TIAM2: variants seen among roughly 807,000 people sequenced by gnomAD.
TIAM2 encodes rho guanine nucleotide exchange factor TIAM2.
Under a neutral mutation model 152.9 loss-of-function variants are expected in TIAM2, and 80 were observed. The ratio of observed to expected loss-of-function variants is 0.52; its 90% CI spans 0.44 to 0.63. TIAM2 has a LOEUF of 0.63. TIAM2 is among the 30% of genes least tolerant of loss of function. The pLI, the probability that TIAM2 is intolerant of heterozygous loss-of-function variation, is 0.00. For synonymous variants in TIAM2, 804 were observed against 838.0 expected (o/e 0.96, Z 0.70); for missense variants, 1,965 against 2,120.1 (o/e 0.93, Z 1.44).
intron 10 of TIAM2, 109 bp downstream of exon 10, chr6:155,177,086 A>G (rs930160351): frequency 1.9e-6 from 2 of 1,074,628 alleles, no homozygotes; most frequent in Non-Finnish European, 2.6e-6. Context: ...TTTCCATGCC[A>G]GGGAACATAT....
intron 1 of TIAM2, among the ~76,000 whole-genome samples, chr6:155,020,275 T>C (rs1374507665): frequency 6.6e-6 from 1 of 152,214 alleles, no homozygotes; most frequent in Non-Finnish European, 1.5e-5. Context: ...CACAGAGTGA[T>C]GGATAAATAT....
intron 1 of TIAM2, among the ~76,000 whole-genome samples, chr6:155,068,014 A>T (rs1777742732): frequency 6.6e-6 from 1 of 151,950 alleles, no homozygotes; most frequent in Non-Finnish European, 1.5e-5. Context: ...TTTTTATTAC[A>T]CTTAGTCAAG....
chr6:155,164,713 C>A, intron 8 of TIAM2, 113 bp downstream of exon 8: 4 of 1,314,046 alleles, frequency 3.0e-6, no homozygotes, highest in Non-Finnish European at 4.2e-6. Context: ...ACAACTGACA[C>A]CTAGAGGCCA....
At chr6:155,216,031 A>G (rs2115227239) in intron 15 of TIAM2, among the ~76,000 whole-genome samples, 1 of 150,954 alleles carries the variant, frequency 6.6e-6, no homozygotes, top group Middle Eastern at 3.4e-3. Flanking sequence ...CTGGTCTCAA[A>G]CTCCTGGGCT....
chr6:155,230,077 C>T (rs1401966347), intron 15 of TIAM2, among the ~76,000 whole-genome samples: 2 of 152,028 alleles, frequency 1.3e-5, no homozygotes, highest in African/African-American at 2.4e-5. Context: ...ACACCTGTAC[C>T]ACCGAGAGTA....
rs372439783 is a variant in TIAM2, at chr6:155,094,585, T to A, written c.-118+4206T>A. 9.7e-5 allele frequency among the ~76,000 whole-genome samples: 12 copies of A among 123,340 alleles called. No individual in the cohort carries two copies. The East Asian group carries it at 3.1e-3, about 32-fold the overall frequency. 80.9% of individuals were successfully genotyped at this position (123,340 alleles called of 152,430 possible). Reference sequence around the variant, plus strand: ...TTTTTTTTTTGAGACAGGGTCTCACTGTTACCCAGGCTGGGGTGCAGTGGC... The same window carrying A: ...TTTTTTTTTTGAGACAGGGTCTCACAGTTACCCAGGCTGGGGTGCAGTGGC... On this transcript the variant is annotated intron_variant, in intron 2 of 26. Transcript: ENST00000682666.
In TIAM2 at chr6:155,156,233, G is replaced by T. The variant is rs1780108914; in HGVS notation, c.2028+7899G>T. On this transcript the variant is annotated intron_variant, in intron 7 of 26. Transcript: ENST00000682666. This position sits in a 1 kb window ranked among gnomAD's most constrained non-coding sequence, Gnocchi z 4.4. Reference sequence around the variant, plus strand: ...AAATGCAGTGTGGTTTTAGGTAGGTGGTGAGAGGTAGACAGGGGAAGTAGG... The same window carrying T: ...AAATGCAGTGTGGTTTTAGGTAGGTTGTGAGAGGTAGACAGGGGAAGTAGG... Among the ~76,000 whole-genome samples, 1 of 152,154 alleles carries T rather than the reference G, an allele frequency of 6.6e-6. No homozygotes were observed. The highest frequency in any genetic ancestry group is 2.4e-5 in the African/African-American group (1 of 41,444).
intron 2 of TIAM2, among the ~76,000 whole-genome samples, chr6:155,117,512 G>T (rs913946796): frequency 2.0e-5 from 3 of 152,134 alleles, no homozygotes; most frequent in African/African-American, 4.8e-5. Context: ...GCGCCATCTC[G>T]GCTCGCTGCA....
chr6:155,074,216 C>T (rs1777904101), intron 1 of TIAM2, among the ~76,000 whole-genome samples: 1 of 152,180 alleles, frequency 6.6e-6, no homozygotes, highest in Admixed American at 6.5e-5. Flanking sequence ...TTAATTTTGA[C>T]TTCCTCTCCA....
At chr6:155,016,009 A>G (rs1330332882) in intron 1 of TIAM2, among the ~76,000 whole-genome samples, 1 of 150,920 alleles carries the variant, frequency 6.6e-6, no homozygotes, top group East Asian at 1.9e-4. Flanking sequence ...ACATCAGACC[A>G]TCAAGACTGG....
At chr6:155,067,081 G>C (rs947011682) in intron 1 of TIAM2, among the ~76,000 whole-genome samples, 1 of 152,158 alleles carries the variant, frequency 6.6e-6, no homozygotes, top group Non-Finnish European at 1.5e-5. Flanking sequence ...CAGCCTGCTG[G>C]ATTTGCAGGG....
Position 155,247,937 on chromosome 6 carries a change from G to A in TIAM2, c.3653-63G>A, listed in dbSNP as rs777652665. 8 of 1,535,534 alleles carry A rather than the reference G, an allele frequency of 5.2e-6. No individual in the cohort carries two copies. The East Asian group carries it at 1.8e-4, about 35-fold the overall frequency. ...TAGATGATCTATAAATGTTAAAAGA[G>A]AAATGAAGAATTTAATTCACCCCAC... On this transcript the variant is annotated intron_variant, in intron 19 of 26. Coordinates refer to ENST00000682666, the MANE Select transcript of TIAM2 (RefSeq NM_012454.4).
intron 1 of TIAM2, among the ~76,000 whole-genome samples, chr6:155,021,524 AGTGCTGGGATTACAGGCACGAGCCACC>A (rs2114865907): frequency 6.6e-6 from 1 of 152,214 alleles, no homozygotes; most frequent in African/African-American, 2.4e-5. Flanking sequence ...AGCCTCCTAC[AGTGCTGGGATTACAGGCACGAGCCACC>A]GCGCCCAGCC....
Position 155,176,865 on chromosome 6 carries a change from G to T in TIAM2, c.2411G>T (p.Arg804Leu). 1 of 1,614,030 alleles carries T rather than the reference G, an allele frequency of 6.2e-7. No homozygotes were observed. Among genetic ancestry groups the T allele is most frequent in the East Asian group, 2.2e-5 (1 of 44,880 alleles). ...IYGSTVDGVPRDNAWEIQTYV... is the reference protein window; with the variant it reads ...IYGSTVDGVPLDNAWEIQTYV... ...GGTTCAACAGTAGACGGTGTTCCCC[G>T]AGACAATGCATGGGAAATCCAGACT... Residue 804 changes from arginine (R) to leucine (L), a missense_variant, in exon 10 of 27, where the codon CGA becomes CTA. By Grantham distance (102) the Arg-to-Leu change is moderately radical (BLOSUM62 -2). Coordinates refer to ENST00000682666, the MANE Select transcript of TIAM2 (RefSeq NM_012454.4).
intron 7 of TIAM2, among the ~76,000 whole-genome samples, chr6:155,161,900 A>G (rs144526643): frequency 8.0e-4 from 121 of 151,262 alleles, no homozygotes; most frequent in African/African-American, 2.8e-3. Context: ...TTAATCCACC[A>G]TGGATTGCAT....
intron 1 of TIAM2, among the ~76,000 whole-genome samples, chr6:155,084,128 G>T (rs1254496280): frequency 1.3e-5 from 2 of 152,204 alleles, no homozygotes; most frequent in Non-Finnish European, 2.9e-5. Context: ...CTGGGGCACT[G>T]CATGTAGGTA....
intron 20 of TIAM2, among the ~76,000 whole-genome samples, chr6:155,248,948 T>G (rs980337154): frequency 6.6e-6 from 1 of 152,220 alleles, no homozygotes; most frequent in Non-Finnish European, 1.5e-5. Flanking sequence ...TTTTTTTCCA[T>G]GACAAGCATA....
chr6:155,179,915 T>C (rs1039195202), intron 12 of TIAM2, among the ~76,000 whole-genome samples: 3 of 152,182 alleles, frequency 2.0e-5, no homozygotes, highest in African/African-American at 4.8e-5. Context: ...AAGAACTAAC[T>C]CAAGGTCTTT....
At chr6:155,126,338 G>A (rs1779295501) in intron 2 of TIAM2, among the ~76,000 whole-genome samples, 1 of 152,222 alleles carries the variant, frequency 6.6e-6, no homozygotes, top group Admixed American at 6.5e-5. Context: ...CTGTTTAATG[G>A]GTGCAGAGTT....
Sources: allele counts gnomAD v4.1 joint callset (sites outside exome capture counted in the v4.1 genomes callset), GRCh38; gene constraint gnomAD v4.1.1; non-coding constraint Gnocchi (gnomAD v3.1); transcripts MANE v1.5; gene names NCBI Gene and HGNC (gene_info 2026-07-23, HGNC 2026-07-21).